The following SPSB1 variants were observed in gnomAD, a reference collection of about 807,000 sequenced individuals.
SPSB1 encodes SPRY domain-containing SOCS box protein 1.
A neutral mutation model predicts 21.2 loss-of-function variants in SPSB1; 8 were observed. The ratio of observed to expected loss-of-function variants is 0.38; its 90% CI spans 0.22 to 0.68. SPSB1 has a LOEUF of 0.68. Ranked by LOEUF, SPSB1 falls within the 30% of genes least tolerant of loss-of-function variation. SPSB1 has a pLI of 0.53. For synonymous variants in SPSB1, 169 were observed against 161.7 expected (o/e 1.05, Z -0.34); for missense variants, 242 against 377.8 (o/e 0.64, Z 2.98).
intron 1 of SPSB1, among the ~76,000 whole-genome samples, chr1:9,353,407 C>T (rs931836274): frequency 7.9e-5 from 12 of 152,166 alleles, no homozygotes; most frequent in Admixed American, 4.6e-4. Flanking sequence ...CTAGAGGTTT[C>T]AGTGGCTCCC....
chr1:9,322,944 A>G (rs1639745104), intron 1 of SPSB1, among the ~76,000 whole-genome samples: 2 of 144,072 alleles, frequency 1.4e-5, no homozygotes, highest in African/African-American at 5.2e-5. Context: ...GCTTGCAAGG[A>G]GGTTCCTGAA....
At chr1:9,351,875 C>T (rs563372621) in intron 1 of SPSB1, among the ~76,000 whole-genome samples, 3 of 152,276 alleles carry the variant, frequency 2.0e-5, no homozygotes, top group Admixed American at 6.5e-5. Flanking sequence ...CAGAAGTGGC[C>T]GGGTGTGTGG....
At position 9,366,577 on chromosome 1, in the gene SPSB1, C is replaced by CTTT. The variant is rs35877709; in HGVS notation, c.695-857_695-855dup. ...CCTCTGTGCCTGTGTGTCCTCAGTTCTTTTTTTTTTTTTTTTGGACCGAGT... is the reference window on the plus strand; with the variant it reads ...CCTCTGTGCCTGTGTGTCCTCAGTTCTTTTTTTTTTTTTTTTTTTGGACCGAGT... On this transcript the variant is annotated intron_variant, in intron 2 of 2. Transcript: ENST00000328089. 2.1e-3 allele frequency among the ~76,000 whole-genome samples: 281 copies of CTTT among 135,534 alleles called. 3 individuals are homozygous for CTTT. The highest frequency in any genetic ancestry group is 6.8e-3 in the African/African-American group (248 of 36,350). The allele number at this position is 135,534 out of a possible 152,430, so 88.9% of individuals were successfully genotyped here. A position where few individuals can be genotyped will look rare whatever the true frequency, so the allele number is the denominator to read the frequency against.
rs200660299 is a variant in SPSB1 at position 9,306,930 on chromosome 1, CTT to C, written c.-150+13874_-150+13875del. Among the ~76,000 whole-genome samples the C allele has an allele frequency of 9.2e-3, 619 of 67,422 alleles. 3 individuals carry two copies. The highest frequency in any genetic ancestry group is 0.02 in the South Asian group (44 of 2,210). 44.2% of individuals were successfully genotyped at this position (67,422 alleles called of 152,430 possible). A position where few individuals can be genotyped will look rare whatever the true frequency, so the allele number is the denominator to read the frequency against. ...TTTCTTTTACTTTTCTTCTTTTCTTCTTTTTTTTTTTTTTTTAAGTGGAATCT... is the reference window on the plus strand; with the variant it reads ...TTTCTTTTACTTTTCTTCTTTTCTTCTTTTTTTTTTTTTTAAGTGGAATCT... On this transcript the variant is annotated intron_variant, in intron 1 of 2. Coordinates refer to ENST00000328089, the MANE Select transcript of SPSB1 (RefSeq NM_025106.4).
rs553253855 is a variant in SPSB1 at position 9,345,964 on chromosome 1, G to A, written c.-149-9779G>A. 2.0e-5 allele frequency among the ~76,000 whole-genome samples: 3 copies of A among 152,148 alleles called. No homozygotes were observed. Among genetic ancestry groups the A allele is most frequent in the African/African-American group, 7.2e-5 (3 of 41,434 alleles). ...TGCTGGTGGTGGCCCCTTTGCCAGG[G>A]GCTCCATGGCCCAGCCAGCACGGAG... On this transcript the variant is annotated intron_variant, in intron 1 of 2. Coordinates refer to ENST00000328089, the MANE Select transcript of SPSB1 (RefSeq NM_025106.4). The surrounding 1 kb of genome is among the most constrained non-coding windows in gnomAD (Gnocchi z 4.8).
At chr1:9,296,419 C>G (rs979574533) in intron 1 of SPSB1, among the ~76,000 whole-genome samples, 4 of 152,220 alleles carry the variant, frequency 2.6e-5, no homozygotes, top group African/African-American at 4.8e-5. Flanking sequence ...CTTCAAGAAG[C>G]ATGGGCTCAT....
intron 1 of SPSB1, among the ~76,000 whole-genome samples, chr1:9,306,561 C>G (rs1156631351): frequency 6.6e-6 from 1 of 152,176 alleles, no homozygotes; most frequent in African/African-American, 2.4e-5. Flanking sequence ...GTAGGTACTA[C>G]CCATTTTACA....
chr1:9,350,964 G>A (rs763825663), intron 1 of SPSB1, among the ~76,000 whole-genome samples: 123 of 152,330 alleles, frequency 8.1e-4, no homozygotes, highest in Non-Finnish European at 1.4e-3. Context: ...TTGGTCCAGT[G>A]TTAACAGGAG....
intron 1 of SPSB1, among the ~76,000 whole-genome samples, chr1:9,295,407 C>T (rs888098266): frequency 2.0e-5 from 3 of 152,120 alleles, no homozygotes; most frequent in South Asian, 2.1e-4. Flanking sequence ...GGTGCCATGC[C>T]GGCTTAAGAG....
intron 1 of SPSB1, among the ~76,000 whole-genome samples, chr1:9,297,265 A>G: frequency 6.6e-6 from 1 of 152,266 alleles, no homozygotes; most frequent in Admixed American, 6.5e-5. Flanking sequence ...CTAGGGAGGC[A>G]TTGGGTGATT....
chr1:9,301,649 C>T (rs1439037695), intron 1 of SPSB1, among the ~76,000 whole-genome samples: 1 of 152,180 alleles, frequency 6.6e-6, no homozygotes, highest in Non-Finnish European at 1.5e-5. Flanking sequence ...CCCTGGCCAC[C>T]CCTGTCATCG....
chr1:9,330,166 G>A (rs997557590), intron 1 of SPSB1, among the ~76,000 whole-genome samples: 2 of 152,140 alleles, frequency 1.3e-5, no homozygotes, highest in South Asian at 2.1e-4. Flanking sequence ...CACCTGATAT[G>A]TACACATAAA....
At chr1:9,302,068 A>T (rs1050252235) in intron 1 of SPSB1, among the ~76,000 whole-genome samples, 1 of 152,184 alleles carries the variant, frequency 6.6e-6, no homozygotes, top group Non-Finnish European at 1.5e-5. Flanking sequence ...TGGCACTGGG[A>T]TCATGTGCAG....
intron 1 of SPSB1, among the ~76,000 whole-genome samples, chr1:9,308,909 T>A (rs767129036): frequency 6.6e-6 from 1 of 152,080 alleles, no homozygotes; most frequent in Non-Finnish European, 1.5e-5. Flanking sequence ...GTGATGCACC[T>A]CCAGGCCCCT....
intron 2 of SPSB1, among the ~76,000 whole-genome samples, chr1:9,360,686 C>G (rs1640457619): frequency 6.6e-6 from 1 of 152,218 alleles, no homozygotes; most frequent in Non-Finnish European, 1.5e-5. Context: ...ATGTGTCTCT[C>G]CGTGGCCCCT....
intron 2 of SPSB1, among the ~76,000 whole-genome samples, chr1:9,358,101 C>G (rs1334863834): frequency 6.6e-6 from 1 of 152,190 alleles, no homozygotes; most frequent in Admixed American, 6.5e-5. Context: ...AGCTTCTCCT[C>G]CTGGAGAAGG....
chr1:9,303,588 T>C (rs1239039615), intron 1 of SPSB1, among the ~76,000 whole-genome samples: 2 of 152,250 alleles, frequency 1.3e-5, no homozygotes, highest in African/African-American at 4.8e-5. Context: ...GTATTAATTT[T>C]ACATCATAGT....
chr1:9,345,867 T>G lies in SPSB1; in HGVS notation c.-149-9876T>G, dbSNP rs1381138269. Reference sequence around the variant, plus strand: ...ACAGACTTATTTTTATATCCCTCCTTGAGGGGTCCCTCCTCAAGTTGGCAG... The same window carrying G: ...ACAGACTTATTTTTATATCCCTCCTGGAGGGGTCCCTCCTCAAGTTGGCAG... On this transcript the variant is annotated intron_variant, in intron 1 of 2. Coordinates refer to ENST00000328089, the MANE Select transcript of SPSB1 (RefSeq NM_025106.4). This position sits in a 1 kb window ranked among gnomAD's most constrained non-coding sequence, Gnocchi z 4.8. Among the ~76,000 whole-genome samples, 5 of 152,194 alleles carry G rather than the reference T, an allele frequency of 3.3e-5. No individual in the cohort carries two copies. Among genetic ancestry groups the G allele is most frequent in the African/African-American group, 4.8e-5 (2 of 41,460 alleles).
chr1:9,317,099 C>T lies in SPSB1; in HGVS notation c.-150+24028C>T, dbSNP rs1360328732. On this transcript the variant is annotated intron_variant, in intron 1 of 2. Transcript: ENST00000328089. The surrounding 1 kb of genome is among the most constrained non-coding windows in gnomAD (Gnocchi z 4.3). Reference sequence around the variant, plus strand: ...GTGCTCTCGCGAAGGAAAGAGAGAACTCACAAATAATATATTATACTAGGC... The same window carrying T: ...GTGCTCTCGCGAAGGAAAGAGAGAATTCACAAATAATATATTATACTAGGC... Among the ~76,000 whole-genome samples the T allele has an allele frequency of 1.3e-5, 2 of 152,144 alleles. No individual in the cohort carries two copies. Among genetic ancestry groups the T allele is most frequent in the Non-Finnish European group, 2.9e-5 (2 of 68,044 alleles).
Sources: allele counts gnomAD v4.1 joint callset (sites outside exome capture counted in the v4.1 genomes callset), GRCh38; gene constraint gnomAD v4.1.1; non-coding constraint Gnocchi (gnomAD v3.1); transcripts MANE v1.5; gene names NCBI Gene and HGNC (gene_info 2026-07-23, HGNC 2026-07-21).